The following VEGFD variants were observed in gnomAD, a reference collection of about 807,000 sequenced individuals.
The protein encoded by VEGFD is c-fos induced growth factor (vascular endothelial growth factor D).
VEGFD carries 26 observed loss-of-function variants against 28.0 expected under a neutral mutation model. The observed-to-expected ratio is 0.93, with a 90% CI of 0.68 to 1.29. The LOEUF (loss-of-function observed/expected upper bound fraction) is 1.29, where lower values mean the gene tolerates loss of function less well. Among genes scored for constraint, VEGFD ranks in the 50% most tolerant of loss-of-function variants. The pLI, the probability that VEGFD is intolerant of heterozygous loss-of-function variation, is 0.00. For missense variants in VEGFD, 294 were observed against 273.4 expected, an observed-to-expected ratio of 1.08 and a Z score of -0.53; for synonymous variants, 93 against 95.5, an observed-to-expected ratio of 0.97 and a Z score of 0.15.
At chrX:15,347,788 T>C (rs1443552717) in intron 5 of VEGFD, among the ~76,000 whole-genome samples, 3 of 111,535 alleles carry the variant, frequency 2.7e-5, no homozygotes, top group African/African-American at 9.8e-5. Flanking sequence ...ACCTCAGACA[T>C]TCCAGGCCAG....
At chrX:15,382,137 A>G (rs12843566) in intron 1 of VEGFD, among the ~76,000 whole-genome samples, 7,039 of 110,495 alleles carry the variant, frequency 0.064, 242 homozygotes, top group South Asian at 0.17. Context: ...TGGCTAACAC[A>G]GTGAAACCCT....
At chrX:15,363,829 C>T (rs1462609622) in intron 1 of VEGFD, among the ~76,000 whole-genome samples, 1 of 111,713 alleles carries the variant, frequency 9.0e-6, no homozygotes, top group Non-Finnish European at 1.9e-5. Flanking sequence ...CAGTGACAAG[C>T]GGGGGATTGC....
chrX:15,379,329 T>C (rs1231656873), intron 1 of VEGFD, among the ~76,000 whole-genome samples: 2 of 111,619 alleles, frequency 1.8e-5, no homozygotes, highest in Non-Finnish European at 3.8e-5. Flanking sequence ...TGGTGCCCAA[T>C]AAATACCTGT....
At chrX:15,365,169 G>A (rs1008725778) in intron 1 of VEGFD, among the ~76,000 whole-genome samples, 2 of 112,030 alleles carry the variant, frequency 1.8e-5, no homozygotes, top group Non-Finnish European at 3.8e-5. Context: ...GTCTGGCTCT[G>A]TCATCCAGGC....
chrX:15,358,437 G>A (rs1922921814), intron 2 of VEGFD, among the ~76,000 whole-genome samples: 1 of 111,760 alleles, frequency 8.9e-6, no homozygotes, highest in Admixed American at 9.6e-5. Flanking sequence ...TTCCCTTTGA[G>A]GTAGAACACC....
At chrX:15,347,538 A>G (rs768693407) in intron 5 of VEGFD, 179 bp from the exon 6 acceptor site, 3 of 332,107 alleles carry the variant, frequency 9.0e-6, no homozygotes, top group Non-Finnish European at 1.6e-5. Flanking sequence ...ATTTCACAAT[A>G]CAAACACAGG....
intron 2 of VEGFD, among the ~76,000 whole-genome samples, chrX:15,359,560 A>G (rs1922957898): frequency 9.3e-6 from 1 of 107,314 alleles, no homozygotes; most frequent in Non-Finnish European, 1.9e-5. Context: ...CCACCCACCA[A>G]CAGGCCCTGG....
At chrX:15,363,400 A>C in intron 1 of VEGFD, 81 bp from the exon 2 acceptor site, 1 of 793,910 alleles carries the variant, frequency 1.3e-6, no homozygotes, top group Non-Finnish European at 1.8e-6. Context: ...TCTGACACTT[A>C]GAAGTGTAAA....
chrX:15,379,455 G>A (rs772213292), intron 1 of VEGFD, among the ~76,000 whole-genome samples: 2 of 112,001 alleles, frequency 1.8e-5, no homozygotes, highest in Non-Finnish European at 3.8e-5. Context: ...TGCAGTAGCA[G>A]GGGGCCTCAG....
chrX:15,375,868 G>A (rs1009280465), intron 1 of VEGFD, among the ~76,000 whole-genome samples: 1 of 111,437 alleles, frequency 9.0e-6, no homozygotes, highest in Non-Finnish European at 1.9e-5. Flanking sequence ...CTAGCACTGC[G>A]GGAGATGGCC....
At chrX:15,375,743 G>A (rs114557243) in intron 1 of VEGFD, among the ~76,000 whole-genome samples, 2 of 111,836 alleles carry the variant, frequency 1.8e-5, no homozygotes, top group African/African-American at 6.5e-5. Flanking sequence ...TTGTGTGAGT[G>A]TGTGTGCATG....
chrX:15,382,130 C>T (rs1164837116), intron 1 of VEGFD, among the ~76,000 whole-genome samples: 2 of 110,943 alleles, frequency 1.8e-5, no homozygotes, highest in Non-Finnish European at 3.8e-5. Context: ...ACCATCCTGG[C>T]TAACACAGTG....
At chrX:15,371,202 G>A (rs1923300428) in intron 1 of VEGFD, among the ~76,000 whole-genome samples, 1 of 111,858 alleles carries the variant, frequency 8.9e-6, no homozygotes, top group African/African-American at 3.2e-5. Flanking sequence ...TTTAAAGCTA[G>A]CAATCTATAA....
In VEGFD at chrX:15,353,879, A is replaced by C. The variant is rs747550836; in HGVS notation, c.642-711T>G. On this transcript the variant is annotated intron_variant, in intron 4 of 6. Coordinates refer to ENST00000297904, the MANE Select transcript of VEGFD (RefSeq NM_004469.5). ...TAATTTTGGAAATTGTAATCTTCTT[A>C]AGAAGGTATATGTTAAAACTATGCA... 2.7e-5 allele frequency among the ~76,000 whole-genome samples: 3 copies of C among 112,412 alleles called. No homozygotes were observed. In the East Asian group the frequency reaches 8.3e-4, roughly 31 times the overall value.
At chrX:15,348,555 T>C (rs1922612159) in intron 5 of VEGFD, among the ~76,000 whole-genome samples, 1 of 112,558 alleles carries the variant, frequency 8.9e-6, no homozygotes, top group African/African-American at 3.2e-5. Flanking sequence ...TCATATATCC[T>C]GTGTGTTCCA....
At chrX:15,380,120 G>A (rs1456517744) in intron 1 of VEGFD, among the ~76,000 whole-genome samples, 2 of 112,408 alleles carry the variant, frequency 1.8e-5, no homozygotes, top group African/African-American at 6.5e-5. Flanking sequence ...TATTTCAGAT[G>A]TCTTTTGTGC....
chrX:15,348,441 G>T (rs1360894694), intron 5 of VEGFD, among the ~76,000 whole-genome samples: 9 of 112,245 alleles, frequency 8.0e-5, no homozygotes, highest in Non-Finnish European at 1.5e-4. Flanking sequence ...TGCATTAAAA[G>T]GTTCCCTTCC....
chrX:15,358,041 T>C lies in VEGFD; in HGVS notation c.454A>G (p.Ile152Val), dbSNP rs752766539. 4.1e-6 allele frequency: 5 copies of C among 1,211,694 alleles called. No homozygotes were observed. Among genetic ancestry groups the C allele is most frequent in the Non-Finnish European group, 5.6e-6 (5 of 895,422 alleles). Residue 152 changes from isoleucine (I) to valine (V), a missense_variant, in exon 3 of 7, where the codon ATC becomes GTC. Physicochemically the swap from Ile to Val is conservative, Grantham distance 29. Transcript: ENST00000297904. ...CGGCCNEESL[I>V]CMNTSTSYIS... ...TACGAGGTGCTGGTGTTCATACAGA[T>C]AAGGCTCTCTTCATTGCAACAGCCA...
At chrX:15,362,700 T>C (rs1364750698) in intron 2 of VEGFD, among the ~76,000 whole-genome samples, 1 of 111,786 alleles carries the variant, frequency 8.9e-6, no homozygotes, top group East Asian at 2.8e-4. Context: ...ATTACAGGCA[T>C]GAGCCACCAT....
Sources: allele counts gnomAD v4.1 joint callset (sites outside exome capture counted in the v4.1 genomes callset), GRCh38; gene constraint gnomAD v4.1.1; transcripts MANE v1.5; gene names NCBI Gene and HGNC (gene_info 2026-07-23, HGNC 2026-07-21).